The following ZDHHC18 variants were observed in gnomAD, a reference collection of about 807,000 sequenced individuals.
ZDHHC18 encodes palmitoyltransferase ZDHHC18.
Under a neutral mutation model 37.5 loss-of-function variants are expected in ZDHHC18, and 23 were observed. The ratio of observed to expected loss-of-function variants is 0.61; its 90% CI spans 0.44 to 0.87. The LOEUF is 0.87. Among genes scored for constraint, ZDHHC18 ranks in the 40% least tolerant of loss-of-function variants. The pLI, the probability that ZDHHC18 is intolerant of heterozygous loss-of-function variation, is 0.00. For missense variants in ZDHHC18, 406 were observed against 525.6 expected (o/e 0.77, Z 2.22); for synonymous variants, 185 against 218.7 (o/e 0.85, Z 1.36).
rs971314937 is a variant in ZDHHC18, at chr1:26,855,088, C to T, written c.*1245C>T. ...TCTGGGGACTCTGCCACTCTACCCCCAGCCCTACCCACCAGCCCCCAGGTG... is the reference window on the plus strand; with the variant it reads ...TCTGGGGACTCTGCCACTCTACCCCTAGCCCTACCCACCAGCCCCCAGGTG... On this transcript the variant is annotated 3_prime_UTR_variant, in exon 8 of 8. Transcript: ENST00000374142. 1 of 152,320 alleles carries T rather than the reference C, an allele frequency of 6.6e-6. No individual in the cohort carries two copies. Among genetic ancestry groups the T allele is most frequent in the African/African-American group, 2.4e-5 (1 of 41,466 alleles). The allele number at this position is 152,320 out of a possible 1,614,324, so 9.4% of individuals were successfully genotyped here.
Position 26,827,137 on chromosome 1 carries a change from T to C in ZDHHC18, c.333T>C (p.Phe111=), listed in dbSNP as rs1480084194. 1.4e-6 allele frequency: 2 copies of C among 1,410,844 alleles called. No individual in the cohort carries two copies. The highest frequency in any genetic ancestry group is 3.0e-5 in the African/African-American group (2 of 66,990). 87.4% of individuals were successfully genotyped at this position (1,410,844 alleles called of 1,614,324 possible). A position where few individuals can be genotyped will look rare whatever the true frequency, so the allele number is the denominator to read the frequency against. ...ILTTTGLFFV[F]DCPYLARKLT... is the part of the protein sequence containing the mutation. The stretch of plus-strand genomic sequence containing the variant: ...CCACCACCGGCCTCTTCTTCGTCTT[T>C]GAGTGAGTTCCGCTGCCTCGGCGCC... Residue 111 remains phenylalanine (F), a splice_region_variant and synonymous_variant, in exon 1 of 8, where the codon TTT becomes TTC. Transcript: ENST00000374142.
chr1:26,853,655 G>T, intron 7 of ZDHHC18, 71 bp from the exon 8 acceptor site: 1 of 1,429,412 alleles, frequency 7.0e-7, no homozygotes, highest in South Asian at 1.2e-5. Context: ...GATAGACTCT[G>T]CCGTCCAACC....
rs2081741006 is a variant in ZDHHC18, at chr1:26,857,592, T to C, written c.*3749T>C. ...TTAACCAAAATAAAGATTCCCCTCT[T>C]CTTGCCATACCATTGGCTGTCTGGT... On this transcript the variant is annotated 3_prime_UTR_variant, in exon 8 of 8. Transcript: ENST00000374142. 6.6e-6 allele frequency: 1 copy of C among 150,830 alleles called. No individual in the cohort carries two copies. The highest frequency in any genetic ancestry group is 2.5e-5 in the African/African-American group (1 of 40,418). 9.3% of individuals were successfully genotyped at this position (150,830 alleles called of 1,614,324 possible). A position where few individuals can be genotyped will look rare whatever the true frequency, so the allele number is the denominator to read the frequency against.
At position 26,854,185 on chromosome 1, in the gene ZDHHC18, G is replaced by T. The variant is rs1056062089; in HGVS notation, c.*342G>T. The T allele has an allele frequency of 2.2e-5, 5 of 229,892 alleles. No individual in the cohort carries two copies. Among genetic ancestry groups the T allele is most frequent in the Non-Finnish European group, 4.4e-5 (5 of 114,836 alleles). The allele number at this position is 229,892 out of a possible 1,614,324, so 14.2% of individuals were successfully genotyped here. ...GAACTGAGCGTGAGGCCTCCCAGGTGGGGGAACTGCTTGGGCCTTGCTGAG... is the reference window on the plus strand; with the variant it reads ...GAACTGAGCGTGAGGCCTCCCAGGTTGGGGAACTGCTTGGGCCTTGCTGAG... On this transcript the variant is annotated 3_prime_UTR_variant, in exon 8 of 8. Coordinates refer to ENST00000374142, the MANE Select transcript of ZDHHC18 (RefSeq NM_032283.3). The surrounding 1 kb of genome is among the most constrained non-coding windows in gnomAD (Gnocchi z 4.6).
chr1:26,846,398 C>T (rs2081666598), intron 2 of ZDHHC18, among the ~76,000 whole-genome samples: 1 of 135,658 alleles, frequency 7.4e-6, no homozygotes. Flanking sequence ...CCAATCTCGG[C>T]TCACTGCAAG....
chr1:26,850,599 C>G lies in ZDHHC18; in HGVS notation c.826C>G (p.Pro276Ala). 6.2e-7 allele frequency: 1 copy of G among 1,614,168 alleles called. No individual in the cohort carries two copies. The highest frequency in any genetic ancestry group is 8.5e-7 in the Non-Finnish European group (1 of 1,180,022). Residue 276 changes from proline (P) to alanine (A), a missense_variant, in exon 5 of 8, where the codon CCA becomes GCA. Physicochemically the swap from Pro to Ala is conservative, Grantham distance 27. Transcript: ENST00000374142. The surrounding 1 kb of genome is among the most constrained non-coding windows in gnomAD (Gnocchi z 6.1). ...CTTCCTCTCCACTCTGAAGGAGACA[C>G]CAGCAAGATATCCTTTGTCAGCTAG... is the stretch of plus-strand genomic sequence containing the variant. ...SNFLSTLKETPASVLELVICF... is the reference protein window; with the variant it reads ...SNFLSTLKETAASVLELVICF...
Position 26,854,695 on chromosome 1 carries a change from T to A in ZDHHC18, c.*852T>A, listed in dbSNP as rs2081724446. 1 of 152,704 alleles carries A rather than the reference T, an allele frequency of 6.5e-6. No homozygotes were observed. 9.5% of individuals were successfully genotyped at this position (152,704 alleles called of 1,614,324 possible). A position where few individuals can be genotyped will look rare whatever the true frequency, so the allele number is the denominator to read the frequency against. On this transcript the variant is annotated 3_prime_UTR_variant, in exon 8 of 8. Coordinates refer to ENST00000374142, the MANE Select transcript of ZDHHC18 (RefSeq NM_032283.3). The surrounding 1 kb of genome is among the most constrained non-coding windows in gnomAD (Gnocchi z 4.6). Reference sequence around the variant, plus strand: ...GGTATTTTGCACAATTTTATAGACCTCTTTTCTACATAGTCTTTTTTAAAT... The same window carrying A: ...GGTATTTTGCACAATTTTATAGACCACTTTTCTACATAGTCTTTTTTAAAT...
Position 26,853,919 on chromosome 1 carries a change from C to A in ZDHHC18, c.*76C>A. 1.6e-6 allele frequency: 2 copies of A among 1,290,232 alleles called. No homozygotes were observed. Among genetic ancestry groups the A allele is most frequent in the South Asian group, 1.2e-5 (1 of 82,414 alleles). 79.9% of individuals were successfully genotyped at this position (1,290,232 alleles called of 1,614,324 possible). On this transcript the variant is annotated 3_prime_UTR_variant, in exon 8 of 8. Transcript: ENST00000374142. ...CCTGCCGGGACCCTCCCTATTCCAT[C>A]CAAGGGAAGCAGAACTGCCAAAGAC...
rs1015631972 is a variant in ZDHHC18, at chr1:26,842,346, A to G, written c.497-6262A>G. ...TGTGCCATTTCACATATATTGATTC[A>G]TTTAACTCTCACAACAACCCTATGA... On this transcript the variant is annotated intron_variant, in intron 2 of 7. Coordinates refer to ENST00000374142, the MANE Select transcript of ZDHHC18 (RefSeq NM_032283.3). 2.6e-5 allele frequency among the ~76,000 whole-genome samples: 4 copies of G among 152,214 alleles called. No individual in the cohort carries two copies. In the South Asian group the frequency reaches 8.3e-4, roughly 31 times the overall value.
At chr1:26,833,536 CGT>C in intron 2 of ZDHHC18, among the ~76,000 whole-genome samples, 1 of 152,180 alleles carries the variant, frequency 6.6e-6, no homozygotes, top group African/African-American at 2.4e-5. Flanking sequence ...ACAGCCTGGG[CGT>C]GTGTGAGGAA....
intron 1 of ZDHHC18, among the ~76,000 whole-genome samples, chr1:26,830,322 C>T (rs1038030545): frequency 2.6e-5 from 4 of 152,190 alleles, no homozygotes; most frequent in African/African-American, 9.7e-5. Context: ...ACTCCTGAGC[C>T]ATGTGACCTT....
chr1:26,856,392 G>C lies in ZDHHC18; in HGVS notation c.*2549G>C, dbSNP rs1476063268. 1.3e-5 allele frequency: 4 copies of C among 317,492 alleles called. No homozygotes were observed. Among genetic ancestry groups the C allele is most frequent in the African/African-American group, 6.3e-5 (3 of 47,326 alleles). The allele number at this position is 317,492 out of a possible 1,614,324, so 19.7% of individuals were successfully genotyped here. On this transcript the variant is annotated 3_prime_UTR_variant, in exon 8 of 8. Coordinates refer to ENST00000374142, the MANE Select transcript of ZDHHC18 (RefSeq NM_032283.3). This position sits in a 1 kb window ranked among gnomAD's most constrained non-coding sequence, Gnocchi z 5.2. Reference sequence around the variant, plus strand: ...TGGTGTGTGGTGCGGTGTGTGTGCTGGTGGTGGTAGGGTCTCCAGGGACTC... The same window carrying C: ...TGGTGTGTGGTGCGGTGTGTGTGCTCGTGGTGGTAGGGTCTCCAGGGACTC...
intron 1 of ZDHHC18, among the ~76,000 whole-genome samples, chr1:26,828,197 GCCCA>G (rs2081567920): frequency 7.6e-6 from 1 of 132,210 alleles, no homozygotes; most frequent in African/African-American, 3.0e-5. Context: ...ACACTCACAC[GCCCA>G]CCCACCCACC....
In ZDHHC18 at chr1:26,850,991, G is replaced by A; in HGVS notation, c.834-138G>A. The A allele has an allele frequency of 1.3e-6, 1 of 780,918 alleles. No individual in the cohort carries two copies. The allele number at this position is 780,918 out of a possible 1,614,324, so 48.4% of individuals were successfully genotyped here. The stretch of plus-strand genomic sequence containing the variant: ...CCAGGAGGTGATCCTGCTAAGAAGT[G>A]GGGACTGGGCCACAGGAAGGTTCCA... On this transcript the variant is annotated intron_variant, in intron 5 of 7. Coordinates refer to ENST00000374142, the MANE Select transcript of ZDHHC18 (RefSeq NM_032283.3). This position sits in a 1 kb window ranked among gnomAD's most constrained non-coding sequence, Gnocchi z 6.1.
At chr1:26,838,830 A>G (rs905653263) in intron 2 of ZDHHC18, among the ~76,000 whole-genome samples, 2 of 152,228 alleles carry the variant, frequency 1.3e-5, no homozygotes, top group African/African-American at 4.8e-5. Flanking sequence ...GCCTAGCACT[A>G]AGCCTGGTAT....
chr1:26,852,708 G>A, intron 6 of ZDHHC18, 45 bp from the exon 7 acceptor site: 1 of 1,567,626 alleles, frequency 6.4e-7, no homozygotes, highest in Non-Finnish European at 8.8e-7. Flanking sequence ...CTAGAAAAGT[G>A]AAGCAAAAGG....
intron 2 of ZDHHC18, among the ~76,000 whole-genome samples, chr1:26,835,750 A>G (rs1366237444): frequency 6.6e-6 from 1 of 152,202 alleles, no homozygotes; most frequent in Non-Finnish European, 1.5e-5. Flanking sequence ...ATCAGGACTA[A>G]GATCACTGAA....
intron 2 of ZDHHC18, among the ~76,000 whole-genome samples, chr1:26,840,912 A>G (rs1211840754): frequency 7.2e-6 from 1 of 137,966 alleles, no homozygotes; most frequent in Non-Finnish European, 1.5e-5. Flanking sequence ...TTTCATTACC[A>G]CCTTGACTTC....
intron 2 of ZDHHC18, 133 bp from the exon 3 acceptor site, chr1:26,848,475 A>G (rs17162311): frequency 0.069 from 83,327 of 1,201,328 alleles, 3,243 homozygotes; most frequent in Non-Finnish European, 0.079. Flanking sequence ...TTTTACTCCA[A>G]TGTTTGTTCC....
Sources: allele counts gnomAD v4.1 joint callset (sites outside exome capture counted in the v4.1 genomes callset), GRCh38; gene constraint gnomAD v4.1.1; non-coding constraint Gnocchi (gnomAD v3.1); transcripts MANE v1.5; gene names NCBI Gene and HGNC (gene_info 2026-07-23, HGNC 2026-07-21).